The following CDYL variants were observed in gnomAD, a reference collection of about 807,000 sequenced individuals.
CDYL encodes chromodomain Y-like protein.
In CDYL, 8 loss-of-function variants were observed where a neutral mutation model predicts 47.3. The observed-to-expected ratio is 0.17, with a 90% CI of 0.10 to 0.31. CDYL has a LOEUF of 0.31. CDYL is among the 10% of genes least tolerant of loss of function. The pLI is 1.00. For missense variants in CDYL, 471 were observed against 701.4 expected (o/e 0.67, Z 3.71); for synonymous variants, 266 against 265.0 (o/e 1.00, Z -0.04).
intron 2 of CDYL, among the ~76,000 whole-genome samples, chr6:4,730,114 C>T (rs1757578928): frequency 6.6e-6 from 1 of 152,120 alleles, no homozygotes; most frequent in Non-Finnish European, 1.5e-5. Context: ...TTCTGGGTGG[C>T]ACAGTGAAAC....
chr6:4,919,026 C>G (rs1414057866), intron 2 of CDYL, among the ~76,000 whole-genome samples: 12 of 152,158 alleles, frequency 7.9e-5, no homozygotes, highest in African/African-American at 2.4e-4. Flanking sequence ...TTGACTGTCT[C>G]TAGTTGAAAC....
chr6:4,916,346 C>T (rs970904308), intron 2 of CDYL, among the ~76,000 whole-genome samples: 14 of 152,154 alleles, frequency 9.2e-5, no homozygotes, highest in South Asian at 4.1e-4. Flanking sequence ...TAGGAGATGA[C>T]GCTACATGCC....
chr6:4,827,984 G>A (rs1365336138), intron 1 of CDYL, among the ~76,000 whole-genome samples: 2 of 152,172 alleles, frequency 1.3e-5, no homozygotes, highest in East Asian at 3.9e-4. Context: ...ATGTGTGAAA[G>A]AAAAAGTACA....
At chr6:4,927,396 G>A (rs1757907413) in intron 2 of CDYL, among the ~76,000 whole-genome samples, 1 of 145,926 alleles carries the variant, frequency 6.9e-6, no homozygotes, top group African/African-American at 2.6e-5. Context: ...TTATGTTTTA[G>A]TGTTTTCATT....
intron 1 of CDYL, among the ~76,000 whole-genome samples, chr6:4,826,408 T>C (rs1759983395): frequency 6.6e-6 from 1 of 152,194 alleles, no homozygotes; most frequent in Non-Finnish European, 1.5e-5. Context: ...TTTACTTTGC[T>C]CTTCTTTTTC....
chr6:4,807,591 CTTTTTTTTTTTTTTT>C (rs70974139), intron 1 of CDYL, among the ~76,000 whole-genome samples: 6 of 42,944 alleles, frequency 1.4e-4, no homozygotes, highest in South Asian at 1.4e-3. Flanking sequence ...TCATTCATGT[CTTTTTTTTTTTTTTT>C]TTTTTTTTTT....
At chr6:4,824,149 G>A (rs1759916148) in intron 1 of CDYL, among the ~76,000 whole-genome samples, 1 of 152,138 alleles carries the variant, frequency 6.6e-6, no homozygotes, top group Non-Finnish European at 1.5e-5. Flanking sequence ...CATATGCGTT[G>A]TTTCCATATT....
intron 1 of CDYL, among the ~76,000 whole-genome samples, chr6:4,802,623 A>T (rs926032990): frequency 1.2e-4 from 18 of 152,088 alleles, no homozygotes; most frequent in African/African-American, 3.6e-4. Flanking sequence ...CAGAAAGTTG[A>T]TATTTTTAGT....
At chr6:4,926,348 C>T (rs919749502) in intron 2 of CDYL, among the ~76,000 whole-genome samples, 5 of 152,156 alleles carry the variant, frequency 3.3e-5, no homozygotes, top group Non-Finnish European at 7.4e-5. Flanking sequence ...TATTAAACTC[C>T]ATAAACGGAG....
chr6:4,824,415 G>C (rs907452990), intron 1 of CDYL, among the ~76,000 whole-genome samples: 1 of 152,116 alleles, frequency 6.6e-6, no homozygotes, highest in African/African-American at 2.4e-5. Flanking sequence ...TAAAATTATA[G>C]TCATCCTCAT....
At chr6:4,852,106 C>T (rs1444385212) in intron 1 of CDYL, among the ~76,000 whole-genome samples, 1 of 152,108 alleles carries the variant, frequency 6.6e-6, no homozygotes, top group Non-Finnish European at 1.5e-5. Flanking sequence ...CATCTAGGCA[C>T]CAGGCAGAAA....
intron 1 of CDYL, among the ~76,000 whole-genome samples, chr6:4,834,012 CTTGACTCT>C (rs1197341247): frequency 6.6e-6 from 1 of 151,252 alleles, no homozygotes; most frequent in African/African-American, 2.5e-5. Context: ...ACTGATGGGT[CTTGACTCT>C]TTATCCAATT....
chr6:4,725,956 G>A (rs112586395), intron 2 of CDYL, among the ~76,000 whole-genome samples: 92 of 151,996 alleles, frequency 6.1e-4, no homozygotes, highest in African/African-American at 2.2e-3. Context: ...TTACCAAGCA[G>A]CGTTTCACTG....
At chr6:4,839,201 T>A (rs758519974) in intron 1 of CDYL, among the ~76,000 whole-genome samples, 1 of 152,242 alleles carries the variant, frequency 6.6e-6, no homozygotes, top group African/African-American at 2.4e-5. Flanking sequence ...TTCATGTTTG[T>A]TGGCCATTTG....
At chr6:4,887,882 C>CTTTTTTTT (rs879895642) in intron 1 of CDYL, among the ~76,000 whole-genome samples, 1 of 126,840 alleles carries the variant, frequency 7.9e-6, no homozygotes. Flanking sequence ...TTACTGACTT[C>CTTTTTTTT]TTTTTTTTTT....
intron 3 of CDYL, among the ~76,000 whole-genome samples, chr6:4,760,902 G>T (rs62384843): frequency 6.6e-6 from 1 of 150,478 alleles, no homozygotes; most frequent in Non-Finnish European, 1.5e-5. Flanking sequence ...ACTCCCAGCC[G>T]CATCCCAACC....
At chr6:4,767,332 C>T (rs888587925) in intron 3 of CDYL, among the ~76,000 whole-genome samples, 40 of 151,816 alleles carry the variant, frequency 2.6e-4, no homozygotes, top group African/African-American at 9.4e-4. Flanking sequence ...CCTAGCACTT[C>T]GGGAGGCTGA....
intron 2 of CDYL, among the ~76,000 whole-genome samples, chr6:4,934,967 A>G (rs1758143094): frequency 6.6e-6 from 1 of 152,190 alleles, no homozygotes; most frequent in Admixed American, 6.5e-5. Context: ...AGTCCCTCCC[A>G]GGGCAGCTAG....
chr6:4,737,299 A>C (rs1260367675), intron 3 of CDYL, among the ~76,000 whole-genome samples: 1 of 152,082 alleles, frequency 6.6e-6, no homozygotes, highest in Non-Finnish European at 1.5e-5. Context: ...TACACACACA[A>C]AAAAAGATGC....
Sources: allele counts gnomAD v4.1 joint callset (sites outside exome capture counted in the v4.1 genomes callset), GRCh38; gene constraint gnomAD v4.1.1; transcripts MANE v1.5; gene names NCBI Gene and HGNC (gene_info 2026-07-23, HGNC 2026-07-21).